AKAP12: variants seen among roughly 807,000 people sequenced by gnomAD.
AKAP12 encodes A-kinase anchor protein 12.
Under a neutral mutation model 79.9 loss-of-function variants are expected in AKAP12, and 32 were observed. The ratio of observed to expected loss-of-function variants is 0.40; its 90% CI spans 0.30 to 0.54. The LOEUF is 0.54. Among genes scored for constraint, AKAP12 ranks in the 20% least tolerant of loss-of-function variants. AKAP12 has a pLI of 0.48. For synonymous variants in AKAP12, 808 were observed against 857.0 expected (o/e 0.94, Z 1.00); for missense variants, 2,074 against 2,177.0 (o/e 0.95, Z 0.94).
chr6:151,264,710 T>C (rs2114703467), intron 2 of AKAP12, among the ~76,000 whole-genome samples: 1 of 152,006 alleles, frequency 6.6e-6, no homozygotes, highest in East Asian at 1.9e-4. Flanking sequence ...TAGTATGATG[T>C]AAAAATTCAT....
At chr6:151,348,618 A>C in intron 3 of AKAP12, 93 bp from the exon 4 acceptor site, 4 of 878,094 alleles carry the variant, frequency 4.6e-6, no homozygotes, top group African/African-American at 1.7e-5. Flanking sequence ...CAGCCGGGGC[A>C]AGAGAGTGAG....
intron 3 of AKAP12, among the ~76,000 whole-genome samples, chr6:151,342,577 G>C (rs1360233846): frequency 1.3e-5 from 2 of 152,146 alleles, no homozygotes; most frequent in East Asian, 3.8e-4. Context: ...GCATGGAGGC[G>C]CCCGAAGATT....
Position 151,353,827 on chromosome 6 carries a change from G to A in AKAP12, c.*12+75G>A, listed in dbSNP as rs545348639. ...TGGCAAATTTGTTACATAAGGAATC[G>A]GGAGCAAATAATTAATGCCTTCGTG... is the stretch of plus-strand genomic sequence containing the variant. On this transcript the variant is annotated intron_variant, in intron 4 of 4. Transcript: ENST00000402676. The A allele has an allele frequency of 1.3e-4, 139 of 1,032,972 alleles. No homozygotes were observed. The African/African-American group carries it at 2.1e-3, about 16-fold the overall frequency. The allele number at this position is 1,032,972 out of a possible 1,614,324, so 64.0% of individuals were successfully genotyped here. A position where few individuals can be genotyped will look rare whatever the true frequency, so the allele number is the denominator to read the frequency against.
At chr6:151,315,679 T>A (rs982693530) in intron 3 of AKAP12, among the ~76,000 whole-genome samples, 1 of 152,228 alleles carries the variant, frequency 6.6e-6, no homozygotes, top group Non-Finnish European at 1.5e-5. Flanking sequence ...TAGAGCATGA[T>A]GTCCCTGTAT....
intron 3 of AKAP12, among the ~76,000 whole-genome samples, chr6:151,312,649 G>A (rs909917621): frequency 3.3e-5 from 5 of 151,952 alleles, no homozygotes; most frequent in Admixed American, 2.6e-4. Context: ...AAAATTAGCC[G>A]GGCGTGGTGG....
intron 2 of AKAP12, among the ~76,000 whole-genome samples, chr6:151,246,968 T>A (rs1011226654): frequency 6.6e-6 from 1 of 152,110 alleles, no homozygotes; most frequent in Non-Finnish European, 1.5e-5. Flanking sequence ...ATTTTGTTTA[T>A]TTTTGGTAGA....
At chr6:151,328,789 A>G (rs576354732) in intron 3 of AKAP12, among the ~76,000 whole-genome samples, 1 of 152,272 alleles carries the variant, frequency 6.6e-6, no homozygotes, top group Non-Finnish European at 1.5e-5. Context: ...TAAATTTTAC[A>G]ATTCATTAAC....
At chr6:151,274,709 T>TG (rs915093780) in intron 2 of AKAP12, among the ~76,000 whole-genome samples, 8 of 152,298 alleles carry the variant, frequency 5.3e-5, no homozygotes, top group African/African-American at 1.9e-4. Context: ...GTTTGTGAGT[T>TG]GGGGGCATCT....
At chr6:151,348,460 G>T in intron 3 of AKAP12, 1 of 577,150 alleles carries the variant, frequency 1.7e-6, no homozygotes, top group Non-Finnish European at 3.2e-6. Context: ...ACAACATAGT[G>T]AGATCTCATC....
At chr6:151,319,443 G>GTCTGTCTATCTA (rs138866345) in intron 3 of AKAP12, among the ~76,000 whole-genome samples, 17 of 140,262 alleles carry the variant, frequency 1.2e-4, no homozygotes, top group African/African-American at 3.8e-4. Flanking sequence ...ACAGGTGTCT[G>GTCTGTCTATCTA]TCTATCTATC....
chr6:151,303,309 T>G (rs993898849), intron 2 of AKAP12, among the ~76,000 whole-genome samples: 1 of 152,264 alleles, frequency 6.6e-6, no homozygotes, highest in Admixed American at 6.5e-5. Flanking sequence ...TCATTTAAAA[T>G]GCCCATCTTT....
intron 2 of AKAP12, among the ~76,000 whole-genome samples, chr6:151,290,388 T>C (rs969987084): frequency 2.0e-5 from 3 of 152,002 alleles, no homozygotes; most frequent in Admixed American, 6.6e-5. Context: ...GCACTCACCG[T>C]TATCTCATTC....
At position 151,328,327 on chromosome 6, in the gene AKAP12, C is replaced by CAAAA. The variant is rs10686442; in HGVS notation, c.320-20371_320-20368dup. The stretch of plus-strand genomic sequence containing the variant: ...TGGGCGACAGAGCGAGACTCCATCT[C>CAAAA]AAAAAAAAAAAAAAAATTGACAGTA... On this transcript the variant is annotated intron_variant, in intron 3 of 4. Transcript: ENST00000402676. Among the ~76,000 whole-genome samples the CAAAA allele has an allele frequency of 1.2e-3, 128 of 105,136 alleles. 1 individual carries two copies. Among genetic ancestry groups the CAAAA allele is most frequent in the African/African-American group, 3.3e-3 (95 of 28,560 alleles). 69.0% of individuals were successfully genotyped at this position (105,136 alleles called of 152,430 possible). A position where few individuals can be genotyped will look rare whatever the true frequency, so the allele number is the denominator to read the frequency against.
intron 3 of AKAP12, among the ~76,000 whole-genome samples, chr6:151,310,601 A>C (rs1311033489): frequency 6.6e-6 from 1 of 152,142 alleles, no homozygotes; most frequent in East Asian, 1.9e-4. Flanking sequence ...ACAACTTTGA[A>C]ATTTAAACGT....
intron 2 of AKAP12, among the ~76,000 whole-genome samples, chr6:151,267,873 T>C (rs537308687): frequency 5.8e-4 from 88 of 152,314 alleles, no homozygotes; most frequent in African/African-American, 1.8e-3. Flanking sequence ...GATTTTTCCA[T>C]TGCCGGGAGA....
Position 151,351,406 on chromosome 6 carries a change from A to G in AKAP12, c.3015A>G (p.Ala1005=), listed in dbSNP as rs749953067. Residue 1005 remains alanine, a synonymous_variant, in exon 4 of 5, where the codon GCA becomes GCG. Transcript: ENST00000402676. This position sits in a 1 kb window ranked among gnomAD's most constrained non-coding sequence, Gnocchi z 4.4. ...AAEETTEMVS[A]VSQLTDSPDT... Reference sequence around the variant, plus strand: ...AAGAGACCACAGAAATGGTGTCAGCAGTCTCCCAGTTAACCGACTCCCCAG... The same window carrying G: ...AAGAGACCACAGAAATGGTGTCAGCGGTCTCCCAGTTAACCGACTCCCCAG... 10 of 1,614,248 alleles carry G rather than the reference A, an allele frequency of 6.2e-6. No homozygotes were observed. In the South Asian group the frequency reaches 9.9e-5, roughly 16 times the overall value.
At chr6:151,299,756 G>GTT (rs71014572) in intron 2 of AKAP12, among the ~76,000 whole-genome samples, 248 of 141,816 alleles carry the variant, frequency 1.7e-3, no homozygotes, top group Non-Finnish European at 2.3e-3. Flanking sequence ...ACATTTAAGG[G>GTT]TTTTTTTTTT....
intron 2 of AKAP12, among the ~76,000 whole-genome samples, chr6:151,263,817 G>T (rs914436289): frequency 2.2e-4 from 34 of 151,982 alleles, no homozygotes; most frequent in African/African-American, 8.2e-4. Context: ...GACCTCAGGT[G>T]ATCCTCCTGC....
At chr6:151,345,930 T>TGAGAGAGAGAGA (rs1419080142) in intron 3 of AKAP12, among the ~76,000 whole-genome samples, 9 of 108,820 alleles carry the variant, frequency 8.3e-5, no homozygotes, top group African/African-American at 2.7e-4. Flanking sequence ...TGTGTGTGTG[T>TGAGAGAGAGAGA]GTGAGAGAGA....
Sources: allele counts gnomAD v4.1 joint callset (sites outside exome capture counted in the v4.1 genomes callset), GRCh38; gene constraint gnomAD v4.1.1; non-coding constraint Gnocchi (gnomAD v3.1); transcripts MANE v1.5; gene names NCBI Gene and HGNC (gene_info 2026-07-23, HGNC 2026-07-21).